Variants in CSMD3 observed in about 807,000 individuals in gnomAD.
The protein encoded by CSMD3 is CUB and sushi domain-containing protein 3.
CSMD3 carries 177 observed loss-of-function variants against 435.2 expected under a neutral mutation model. The ratio of observed to expected loss-of-function variants is 0.41; its 90% confidence interval spans 0.36 to 0.46. The LOEUF is 0.46. CSMD3 is among the 20% of genes least tolerant of loss of function. The pLI, the probability that CSMD3 is intolerant of heterozygous loss-of-function variation, is 0.34. For missense variants in CSMD3, 4,265 were observed against 4,504.6 expected, an observed-to-expected ratio of 0.95 and a Z score of 1.52; for synonymous variants, 1,656 against 1,520.5, an observed-to-expected ratio of 1.09 and a Z score of -2.07.
chr8:113,380,344 G>A (rs751811455), intron 1 of CSMD3, among the ~76,000 whole-genome samples: 5 of 151,936 alleles, frequency 3.3e-5, no homozygotes, highest in Non-Finnish European at 5.9e-5. Context: ...ACTAAGGTAT[G>A]AATAAAACAA....
At chr8:112,418,100 C>A (rs1223777692) in intron 32 of CSMD3, among the ~76,000 whole-genome samples, 1 of 152,076 alleles carries the variant, frequency 6.6e-6, no homozygotes, top group Admixed American at 6.6e-5. Context: ...CATGTGCATC[C>A]ACAGTACTGA....
intron 4 of CSMD3, among the ~76,000 whole-genome samples, chr8:113,157,479 A>G (rs1242982047): frequency 1.5e-5 from 2 of 133,202 alleles, no homozygotes; most frequent in African/African-American, 5.1e-5. Flanking sequence ...GGTAAATGGA[A>G]TACTTCTGTG....
At chr8:112,535,065 G>T (rs1825927890) in intron 27 of CSMD3, among the ~76,000 whole-genome samples, 2 of 152,038 alleles carry the variant, frequency 1.3e-5, no homozygotes, top group Non-Finnish European at 2.9e-5. Context: ...CAAACCCACA[G>T]CCAATATGGG....
At chr8:112,326,185 G>A (rs1410974250) in intron 45 of CSMD3, among the ~76,000 whole-genome samples, 22 of 152,188 alleles carry the variant, frequency 1.4e-4, no homozygotes, top group Admixed American at 1.4e-3. Flanking sequence ...TAATGATTGT[G>A]AGGTGTGATG....
chr8:113,273,364 G>A (rs2093545133), intron 3 of CSMD3, among the ~76,000 whole-genome samples: 1 of 151,740 alleles, frequency 6.6e-6, no homozygotes, highest in Non-Finnish European at 1.5e-5. Flanking sequence ...CGGTGACTTT[G>A]TTTTTTGCGG....
chr8:113,009,314 TAGA>T (rs1354039365), intron 6 of CSMD3, among the ~76,000 whole-genome samples: 2 of 151,832 alleles, frequency 1.3e-5, no homozygotes, highest in African/African-American at 2.4e-5. Flanking sequence ...ATTTTGGACC[TAGA>T]AAGAACTCAC....
intron 3 of CSMD3, among the ~76,000 whole-genome samples, chr8:113,176,660 AGAAAACC>A (rs1484648046): frequency 6.6e-6 from 1 of 152,112 alleles, no homozygotes; most frequent in African/African-American, 2.4e-5. Context: ...ATTTCAGAAC[AGAAAACC>A]AAACACCACA....
intron 50 of CSMD3, among the ~76,000 whole-genome samples, chr8:112,309,903 T>A (rs1821805434): frequency 6.6e-6 from 1 of 152,196 alleles, no homozygotes. Context: ...TCTTACATTT[T>A]GTTTTTTATA....
chr8:112,877,516 C>A (rs1418476314), intron 10 of CSMD3, among the ~76,000 whole-genome samples: 2 of 152,098 alleles, frequency 1.3e-5, no homozygotes, highest in African/African-American at 2.4e-5. Flanking sequence ...GATCTGCTCG[C>A]CTCAGCCTCC....
chr8:112,604,468 A>C (rs1444071499), intron 22 of CSMD3, among the ~76,000 whole-genome samples: 2 of 152,196 alleles, frequency 1.3e-5, no homozygotes, highest in Non-Finnish European at 2.9e-5. Context: ...GAGAACCCAG[A>C]AATGAAACCA....
intron 13 of CSMD3, among the ~76,000 whole-genome samples, chr8:112,729,111 T>C (rs1043825015): frequency 6.6e-6 from 1 of 152,080 alleles, no homozygotes; most frequent in Non-Finnish European, 1.5e-5. Flanking sequence ...CTTTTTCTGT[T>C]TGTTTTAATA....
intron 32 of CSMD3, among the ~76,000 whole-genome samples, chr8:112,435,242 T>C (rs927316016): frequency 6.6e-6 from 1 of 152,120 alleles, no homozygotes; most frequent in African/African-American, 2.4e-5. Flanking sequence ...GTAGATAGCA[T>C]TGAATTCTCA....
intron 45 of CSMD3, among the ~76,000 whole-genome samples, chr8:112,320,212 T>G (rs1486751830): frequency 1.3e-5 from 2 of 152,106 alleles, no homozygotes; most frequent in Non-Finnish European, 2.9e-5. Context: ...CTTATTCTAG[T>G]CCTTCTTGTT....
intron 3 of CSMD3, among the ~76,000 whole-genome samples, chr8:113,184,615 A>G (rs1369866837): frequency 6.6e-6 from 1 of 152,102 alleles, no homozygotes; most frequent in Non-Finnish European, 1.5e-5. Context: ...AAAGACATAC[A>G]ACTCAAAACG....
intron 1 of CSMD3, among the ~76,000 whole-genome samples, chr8:113,345,677 A>G (rs1266601793): frequency 6.6e-6 from 1 of 152,078 alleles, no homozygotes; most frequent in Non-Finnish European, 1.5e-5. Flanking sequence ...CTAGTCTTGA[A>G]ATTTACTTCT....
At chr8:113,093,324 A>G (rs903801805) in intron 5 of CSMD3, among the ~76,000 whole-genome samples, 4 of 152,092 alleles carry the variant, frequency 2.6e-5, no homozygotes, top group African/African-American at 9.7e-5. Context: ...TACAGAATGG[A>G]TGATGGAAGA....
At chr8:112,474,347 A>G (rs2130765167) in intron 31 of CSMD3, among the ~76,000 whole-genome samples, 1 of 152,262 alleles carries the variant, frequency 6.6e-6, no homozygotes, top group Admixed American at 6.5e-5. Flanking sequence ...GATGGAGAGT[A>G]AGTGGTATAT....
At chr8:112,633,836 G>A (rs11987602) in intron 22 of CSMD3, among the ~76,000 whole-genome samples, 73,417 of 151,670 alleles carry the variant, frequency 0.48, 18,378 homozygotes, top group African/African-American at 0.59. Context: ...CACACAAATC[G>A]CTTTAGTAAA....
intron 12 of CSMD3, among the ~76,000 whole-genome samples, chr8:112,825,268 C>A (rs545621718): frequency 1.3e-5 from 2 of 152,212 alleles, no homozygotes; most frequent in African/African-American, 4.8e-5. Flanking sequence ...TTTAGCTCAG[C>A]AGTTTGTTAT....
Sources: gnomAD v4.1 joint callset for allele counts (sites outside exome capture counted in the v4.1 genomes callset) on GRCh38, gnomAD v4.1.1 for gene constraint, MANE v1.5 for transcripts, NCBI Gene and HGNC (gene_info 2026-07-23, HGNC 2026-07-21) for gene names.